Variants in RAD52 observed in about 807,000 individuals in gnomAD.
RAD52 encodes the protein DNA repair protein RAD52 homolog.
A neutral mutation model predicts 55.5 loss-of-function variants in RAD52; 47 were observed. The observed-to-expected ratio is 0.85, with a 90% CI of 0.67 to 1.08. The LOEUF is 1.08. Ranked by LOEUF, RAD52 falls within the 50% of genes least tolerant of loss-of-function variation. RAD52 has a pLI of 0.00. For synonymous variants in RAD52, 184 were observed against 198.9 expected, an observed-to-expected ratio of 0.92 and a Z score of 0.63; for missense variants, 468 against 522.8, an observed-to-expected ratio of 0.90 and a Z score of 1.02.
chr12:941,200 A>C (rs955417027), intron 1 of RAD52, among the ~76,000 whole-genome samples: 1 of 152,252 alleles, frequency 6.6e-6, no homozygotes, highest in African/African-American at 2.4e-5. Context: ...TTACATACAG[A>C]GTAATGAATG....
At chr12:935,778 G>A (rs962212530) in intron 1 of RAD52, among the ~76,000 whole-genome samples, 3 of 151,658 alleles carry the variant, frequency 2.0e-5, no homozygotes, top group East Asian at 2.0e-4. Flanking sequence ...GCTTGAACCC[G>A]GAAGGCGGAG....
intron 1 of RAD52, chr12:976,019 G>A (rs1025670590): frequency 6.6e-6 from 1 of 152,148 alleles, no homozygotes; most frequent in Non-Finnish European, 1.5e-5. Context: ...ATGTTGTAGT[G>A]GATTAAAGAC....
intron 1 of RAD52, among the ~76,000 whole-genome samples, chr12:947,031 T>C (rs1958266621): frequency 6.6e-6 from 1 of 152,102 alleles, no homozygotes; most frequent in Admixed American, 6.6e-5. Context: ...TAGAACACTT[T>C]AAAAAACACT....
chr12:936,311 A>G (rs1957626168), intron 1 of RAD52, among the ~76,000 whole-genome samples: 2 of 152,090 alleles, frequency 1.3e-5, no homozygotes, highest in Non-Finnish European at 2.9e-5. Flanking sequence ...CTCAAAAAAC[A>G]AAACAAAACA....
intron 1 of RAD52, among the ~76,000 whole-genome samples, chr12:934,845 G>T (rs1467201702): frequency 6.6e-6 from 1 of 152,042 alleles, no homozygotes; most frequent in Non-Finnish European, 1.5e-5. Context: ...AGGTGTGGTG[G>T]CTCACACCTG....
intron 1 of RAD52, among the ~76,000 whole-genome samples, chr12:982,915 T>A (rs1480896206): frequency 1.3e-5 from 2 of 151,964 alleles, no homozygotes. Flanking sequence ...AGTAGCATGA[T>A]CTTGGCTCAC....
At chr12:966,195 G>A (rs1003112125) in intron 1 of RAD52, among the ~76,000 whole-genome samples, 3 of 151,784 alleles carry the variant, frequency 2.0e-5, no homozygotes, top group Non-Finnish European at 2.9e-5. Flanking sequence ...TTGAACTCCT[G>A]GCCTCAAGAG....
chr12:942,075 G>C (rs573829208), intron 1 of RAD52, among the ~76,000 whole-genome samples: 6 of 152,266 alleles, frequency 3.9e-5, no homozygotes, highest in Admixed American at 3.3e-4. Context: ...AACTTTACCA[G>C]ACTTTTCTGT....
chr12:953,133 C>T (rs953825013), upstream of RAD52, among the ~76,000 whole-genome samples: 4 of 149,842 alleles, frequency 2.7e-5, no homozygotes, highest in African/African-American at 4.9e-5. Context: ...GTTGAAACCC[C>T]GTCTTTACTA....
chr12:938,162 A>T (rs534973646), intron 1 of RAD52, among the ~76,000 whole-genome samples: 65 of 152,178 alleles, frequency 4.3e-4, no homozygotes, highest in Non-Finnish European at 8.5e-4. Context: ...TTACCACCTT[A>T]ATTATTAAGG....
intron 1 of RAD52, among the ~76,000 whole-genome samples, chr12:940,541 G>C (rs557293076): frequency 6.6e-6 from 1 of 152,046 alleles, no homozygotes; most frequent in South Asian, 2.1e-4. Flanking sequence ...AGGTAGCAGT[G>C]AGCAGAGGTT....
chr12:984,186 TTCTGTC>T (rs1031280912), intron 1 of RAD52, among the ~76,000 whole-genome samples: 1 of 152,134 alleles, frequency 6.6e-6, no homozygotes, highest in Admixed American at 6.6e-5. Flanking sequence ...CCATTACGCT[TTCTGTC>T]TCTATGAATT....
chr12:983,968 ATATT>A (rs1959053785), intron 1 of RAD52, among the ~76,000 whole-genome samples: 1 of 152,190 alleles, frequency 6.6e-6, no homozygotes. Context: ...AAGTTTTAAA[ATATT>A]TATTTATTGT....
chr12:979,822 C>T (rs1045306298), intron 1 of RAD52, among the ~76,000 whole-genome samples: 4 of 152,136 alleles, frequency 2.6e-5, no homozygotes, highest in African/African-American at 9.6e-5. Context: ...CTGAGGCAGG[C>T]GGATCACGAG....
At chr12:983,725 C>A (rs1173369813) in intron 1 of RAD52, among the ~76,000 whole-genome samples, 1 of 152,174 alleles carries the variant, frequency 6.6e-6, no homozygotes, top group African/African-American at 2.4e-5. Context: ...CGGCCGGCTG[C>A]ATCTTCTTGG....
At chr12:989,826 G>A (rs1206703132) in exon 1 of RAD52, 1 of 152,212 alleles carries the variant, frequency 6.6e-6, no homozygotes, top group African/African-American at 2.4e-5. Flanking sequence ...CACTGCTAGG[G>A]AGTAACAAGA....
intron 1 of RAD52, among the ~76,000 whole-genome samples, chr12:972,016 T>G (rs960793745): frequency 6.6e-6 from 1 of 152,056 alleles, no homozygotes; most frequent in Admixed American, 6.6e-5. Context: ...CCAAAGTACC[T>G]TTACCTTTTG....
chr12:978,775 G>C (rs1222555778), intron 1 of RAD52, among the ~76,000 whole-genome samples: 1 of 152,056 alleles, frequency 6.6e-6, no homozygotes, highest in Non-Finnish European at 1.5e-5. Flanking sequence ...GGGAGGCTGA[G>C]GCAGGAGAAT....
chr12:957,561 C>T (rs962377335), intron 1 of RAD52, among the ~76,000 whole-genome samples: 3 of 150,826 alleles, frequency 2.0e-5, no homozygotes, highest in African/African-American at 7.3e-5. Context: ...CAAGGCGGGT[C>T]AATCACTTGA....
Sources: gnomAD v4.1 joint callset for allele counts (sites outside exome capture counted in the v4.1 genomes callset) on GRCh38, gnomAD v4.1.1 for gene constraint, MANE v1.5 for transcripts, NCBI Gene and HGNC (gene_info 2026-07-23, HGNC 2026-07-21) for gene names.